The following CDKL5 variants were observed in gnomAD, a reference collection of about 807,000 sequenced individuals.
The protein encoded by CDKL5 is cyclin dependent kinase like 5.
CDKL5 carries 8 observed loss-of-function variants against 61.7 expected under a neutral mutation model. The observed-to-expected ratio is 0.13, with a 90% confidence interval of 0.08 to 0.23. The LOEUF is 0.23. Ranked by LOEUF, CDKL5 falls within the 10% of genes least tolerant of loss-of-function variation. The probability of loss-of-function intolerance (pLI) is 1.00; values close to 1 mark genes in which losing one functional copy is unlikely to be tolerated. For synonymous variants in CDKL5, 275 were observed against 272.3 expected, an observed-to-expected ratio of 1.01 and a Z score of -0.10; for missense variants, 440 against 734.5, an observed-to-expected ratio of 0.60 and a Z score of 4.63.
rs1282886822 is a variant in CDKL5, at chrX:18,638,150, G to T, written c.*9393G>T. ...TGCAATCTTCTGGGCTCTGAGAATG[G>T]ATTCACAGCAGCATCTCTATCTGGA... On this transcript the variant is annotated 3_prime_UTR_variant, in exon 18 of 18. Transcript: ENST00000623535. 2 of 111,515 alleles carry T rather than the reference G, an allele frequency of 1.8e-5. No individual in the cohort carries two copies. Among genetic ancestry groups the T allele is most frequent in the Non-Finnish European group, 3.8e-5 (2 of 53,129 alleles). 9.2% of individuals were successfully genotyped at this position (111,515 alleles called of 1,213,427 possible).
At chrX:18,628,099 T>G (rs1487725312) in intron 17 of CDKL5, among the ~76,000 whole-genome samples, 1 of 111,976 alleles carries the variant, frequency 8.9e-6, no homozygotes, top group Admixed American at 9.4e-5. Context: ...TGATTAGAGA[T>G]AGGATGCAAC....
intron 3 of CDKL5, among the ~76,000 whole-genome samples, chrX:18,519,648 T>A (rs1052056071): frequency 5.4e-5 from 6 of 111,481 alleles, no homozygotes; most frequent in South Asian, 3.8e-4. Flanking sequence ...ACGCATATAG[T>A]CTATTTACCT....
intron 20 of CDKL5, among the ~76,000 whole-genome samples, chrX:18,647,931 G>A (rs1044437229): frequency 2.7e-5 from 3 of 111,645 alleles, no homozygotes; most frequent in African/African-American, 9.8e-5. Context: ...GGGGACTGTT[G>A]AGTGAGAAAC....
At chrX:18,580,134 T>G (rs1925432089) in intron 6 of CDKL5, among the ~76,000 whole-genome samples, 166 bp downstream of exon 6, 1 of 112,542 alleles carries the variant, frequency 8.9e-6, no homozygotes, top group South Asian at 3.6e-4. Flanking sequence ...TCTCCATATC[T>G]CCTTTTCTAT....
intron 1 of CDKL5, among the ~76,000 whole-genome samples, chrX:18,500,803 T>C (rs1262563302): frequency 1.8e-5 from 2 of 111,768 alleles, no homozygotes; most frequent in Non-Finnish European, 3.8e-5. Flanking sequence ...AGACCATTCT[T>C]GACATCCAAG....
At chrX:18,482,471 A>G (rs938628455) in intron 1 of CDKL5, among the ~76,000 whole-genome samples, 1 of 111,338 alleles carries the variant, frequency 9.0e-6, no homozygotes, top group East Asian at 2.8e-4. Context: ...TTTATTTTTC[A>G]TAGCCCTGGC....
At chrX:18,626,734 T>C (rs1027493218) in intron 17 of CDKL5, 24 of 15,363 alleles carry the variant, frequency 1.6e-3, no homozygotes, top group Admixed American at 2.8e-3. Flanking sequence ...CCCCCCTCTC[T>C]CCCCCCCCCT....
intron 3 of CDKL5, among the ~76,000 whole-genome samples, chrX:18,553,445 A>C (rs182321006): frequency 2.1e-3 from 224 of 106,810 alleles, no homozygotes; most frequent in Admixed American, 3.7e-3. Context: ...ACTTGGCTTG[A>C]AGGCAGTTGT....
chrX:18,575,566 G>A (rs912087701), intron 5 of CDKL5, 76 bp downstream of exon 5: 15 of 957,433 alleles, frequency 1.6e-5, no homozygotes, highest in Non-Finnish European at 2.3e-5. Context: ...ATTTAAGAAA[G>A]TACTGTTATC....
At chrX:18,487,848 G>A (rs959032686) in intron 1 of CDKL5, among the ~76,000 whole-genome samples, 15 of 111,001 alleles carry the variant, frequency 1.4e-4, no homozygotes, top group Admixed American at 1.1e-3. Flanking sequence ...CCCGGGAGGC[G>A]GAGGTTGCAA....
intron 3 of CDKL5, among the ~76,000 whole-genome samples, chrX:18,514,961 G>T (rs1266110091): frequency 9.1e-6 from 1 of 109,865 alleles, no homozygotes; most frequent in Non-Finnish European, 1.9e-5. Flanking sequence ...AACATGCCCG[G>T]CTAATTTTTG....
At chrX:18,578,033 G>A (rs1226248959) in intron 5 of CDKL5, among the ~76,000 whole-genome samples, 1 of 112,148 alleles carries the variant, frequency 8.9e-6, no homozygotes, top group African/African-American at 3.2e-5. Flanking sequence ...CTGAAGTTCT[G>A]ATTGGTCTTT....
chrX:18,459,435 G>A (rs1478673274), intron 1 of CDKL5, among the ~76,000 whole-genome samples: 1 of 109,100 alleles, frequency 9.2e-6, no homozygotes, highest in Non-Finnish European at 1.9e-5. Flanking sequence ...GGTAGTGGGC[G>A]ACTGTAATCC....
chrX:18,616,181 C>A (rs1440773779), intron 15 of CDKL5, among the ~76,000 whole-genome samples: 1 of 112,046 alleles, frequency 8.9e-6, no homozygotes, highest in Non-Finnish European at 1.9e-5. Context: ...GTTGGAAAAT[C>A]ATACATATCA....
In CDKL5 at chrX:18,629,417, CATTT is replaced by C. The variant is rs890774231; in HGVS notation, c.*663_*666del. On this transcript the variant is annotated 3_prime_UTR_variant, in exon 18 of 18. Coordinates refer to ENST00000623535, the MANE Select transcript of CDKL5 (RefSeq NM_001323289.2). ...AGTTTCTATAAAAACTAAACAGTAA[CATTT>C]ATATATTGCATCAGGAGTATTTTAT... The C allele has an allele frequency of 3.0e-6, 2 of 661,310 alleles. No homozygotes were observed. The highest frequency in any genetic ancestry group is 3.6e-6 in the Non-Finnish European group (2 of 557,065). The allele number at this position is 661,310 out of a possible 1,213,427, so 54.5% of individuals were successfully genotyped here. A position where few individuals can be genotyped will look rare whatever the true frequency, so the allele number is the denominator to read the frequency against.
chrX:18,629,089 G>C lies in CDKL5; in HGVS notation c.*332G>C. 1 of 821,143 alleles carries C rather than the reference G, an allele frequency of 1.2e-6. No homozygotes were observed. Among genetic ancestry groups the C allele is most frequent in the Non-Finnish European group, 1.5e-6 (1 of 682,080 alleles). The allele number at this position is 821,143 out of a possible 1,213,427, so 67.7% of individuals were successfully genotyped here. A position where few individuals can be genotyped will look rare whatever the true frequency, so the allele number is the denominator to read the frequency against. ...CTTTAGTGCAATCTCTGTTGAACTT[G>C]GGAATGCCAGGATGTGTCCTGGCAC... is the stretch of plus-strand genomic sequence containing the variant. On this transcript the variant is annotated 3_prime_UTR_variant, in exon 18 of 18. Coordinates refer to ENST00000623535, the MANE Select transcript of CDKL5 (RefSeq NM_001323289.2).
At chrX:18,621,290 T>G (rs1027781709) in intron 16 of CDKL5, among the ~76,000 whole-genome samples, 1 of 112,152 alleles carries the variant, frequency 8.9e-6, no homozygotes, top group Non-Finnish European at 1.9e-5. Flanking sequence ...GTAAGCATTT[T>G]TATCTCACAG....
rs1346438352 is a variant in CDKL5, at chrX:18,628,859, A to C, written c.*102A>C. Reference sequence around the variant, plus strand: ...ATGGGCCGGGCCAAGTGGTGAGCCAATATTTTCAGCTTTATGAAGGTGTGT... The same window carrying C: ...ATGGGCCGGGCCAAGTGGTGAGCCACTATTTTCAGCTTTATGAAGGTGTGT... On this transcript the variant is annotated 3_prime_UTR_variant, in exon 18 of 18. Transcript: ENST00000623535. 9.2e-7 allele frequency: 1 copy of C among 1,083,494 alleles called. No individual in the cohort carries two copies. The highest frequency in any genetic ancestry group is 1.9e-5 in the African/African-American group (1 of 53,035). 89.3% of individuals were successfully genotyped at this position (1,083,494 alleles called of 1,213,427 possible).
At chrX:18,647,124 C>T in intron 20 of CDKL5, 3 of 1,154,872 alleles carry the variant, frequency 2.6e-6, no homozygotes, top group Non-Finnish European at 3.5e-6. Context: ...ACTGTGTTGG[C>T]CACGCTGGTA....
Sources: gnomAD v4.1 joint callset for allele counts (sites outside exome capture counted in the v4.1 genomes callset) on GRCh38, gnomAD v4.1.1 for gene constraint, MANE v1.5 for transcripts, NCBI Gene and HGNC (gene_info 2026-07-23, HGNC 2026-07-21) for gene names.